The following RBFOX1 variants were observed in gnomAD, a reference collection of about 807,000 sequenced individuals.
RBFOX1 encodes the protein RNA binding protein fox-1 homolog 1.
RBFOX1 carries 8 observed loss-of-function variants against 57.7 expected under a neutral mutation model. The observed-to-expected ratio is 0.14, with a 90% CI of 0.08 to 0.25. RBFOX1 has a LOEUF of 0.25. Among genes scored for constraint, RBFOX1 ranks in the 10% least tolerant of loss-of-function variants. RBFOX1 has a pLI of 1.00. For missense variants in RBFOX1, 611 were observed against 548.5 expected (o/e 1.11, Z -1.14); for synonymous variants, 326 against 222.4 (o/e 1.47, Z -4.15).
At chr16:5,355,019 G>A (rs944942278) in intron 1 of RBFOX1, among the ~76,000 whole-genome samples, 5 of 151,552 alleles carry the variant, frequency 3.3e-5, no homozygotes, top group African/African-American at 4.8e-5. Context: ...GAGAGAGAGA[G>A]AGGGACAGAG....
chr16:6,654,132 C>G (rs920706854), intron 2 of RBFOX1, among the ~76,000 whole-genome samples: 1 of 150,084 alleles, frequency 6.7e-6, no homozygotes, highest in Non-Finnish European at 1.5e-5. Flanking sequence ...GGGTAGAGGA[C>G]CAATGAATGA....
At position 7,020,113 on chromosome 16, in the gene RBFOX1, A is replaced by G. The variant is rs58498031; in HGVS notation, c.-15-31944A>G. ...TTCCATTGTCAAGGTATTTACTACAATTGTCATGTCTCAGGCCAGGTGCGG... is the reference window on the plus strand; with the variant it reads ...TTCCATTGTCAAGGTATTTACTACAGTTGTCATGTCTCAGGCCAGGTGCGG... On this transcript the variant is annotated intron_variant, in intron 3 of 15. Transcript: ENST00000550418. Among the ~76,000 whole-genome samples the G allele has an allele frequency of 7.8e-3, 1,189 of 152,056 alleles. 14 individuals carry two copies. Among genetic ancestry groups the G allele is most frequent in the African/African-American group, 0.027 (1,105 of 41,452 alleles).
intron 4 of RBFOX1, among the ~76,000 whole-genome samples, chr16:7,297,821 C>T (rs1231717187): frequency 6.6e-6 from 1 of 151,076 alleles, no homozygotes; most frequent in Non-Finnish European, 1.5e-5. Flanking sequence ...AATTGAAATC[C>T]CCCCCAATAG....
intron 2 of RBFOX1, among the ~76,000 whole-genome samples, chr16:6,536,352 C>G (rs1326206767): frequency 6.6e-6 from 1 of 152,162 alleles, no homozygotes; most frequent in Non-Finnish European, 1.5e-5. Flanking sequence ...TACCAGCATG[C>G]AATTGAGTAG....
chr16:6,786,790 T>G (rs767468209), intron 3 of RBFOX1, among the ~76,000 whole-genome samples: 2 of 152,124 alleles, frequency 1.3e-5, no homozygotes, highest in Non-Finnish European at 2.9e-5. Context: ...GAAGTGGACA[T>G]GAGGTCACAT....
chr16:7,004,034 C>A (rs117058172), intron 3 of RBFOX1: 1 of 147,774 alleles, frequency 6.8e-6, no homozygotes, highest in Admixed American at 6.8e-5. Flanking sequence ...CACAAATTTG[C>A]GTGCCATCTT....
chr16:6,616,102 C>G (rs1480067858), intron 2 of RBFOX1, among the ~76,000 whole-genome samples: 2 of 152,120 alleles, frequency 1.3e-5, no homozygotes, highest in Non-Finnish European at 2.9e-5. Flanking sequence ...GGCCCCAATC[C>G]CAAACTGAAG....
At chr16:6,407,822 G>C (rs1245285074) in intron 2 of RBFOX1, among the ~76,000 whole-genome samples, 1 of 152,124 alleles carries the variant, frequency 6.6e-6, no homozygotes, top group African/African-American at 2.4e-5. Context: ...TCCTCACGCA[G>C]CATACATGGA....
At chr16:7,645,765 C>G (rs1262180011) in intron 11 of RBFOX1, among the ~76,000 whole-genome samples, 1 of 152,166 alleles carries the variant, frequency 6.6e-6, no homozygotes. Context: ...TTATTCACTT[C>G]TAAACAGCAG....
chr16:7,708,220 G>A (rs558314951), intron 14 of RBFOX1, among the ~76,000 whole-genome samples: 1 of 151,870 alleles, frequency 6.6e-6, no homozygotes, highest in African/African-American at 2.4e-5. Context: ...ATGCGACCTT[G>A]AGCAAGTGAC....
intron 3 of RBFOX1, among the ~76,000 whole-genome samples, chr16:5,777,878 G>A (rs78148243): frequency 0.037 from 5,561 of 152,250 alleles, 315 homozygotes; most frequent in African/African-American, 0.12. Context: ...ACGATCATAA[G>A]TAGGCATCTC....
intron 3 of RBFOX1, among the ~76,000 whole-genome samples, chr16:6,958,995 T>G (rs1393725839): frequency 4.6e-5 from 7 of 152,154 alleles, no homozygotes; most frequent in Non-Finnish European, 8.8e-5. Context: ...TTGAATTAAT[T>G]ATAAGGAGAA....
At chr16:7,364,942 C>G (rs186860295) in intron 4 of RBFOX1, among the ~76,000 whole-genome samples, 16 of 152,306 alleles carry the variant, frequency 1.1e-4, no homozygotes, top group African/African-American at 3.8e-4. Flanking sequence ...ATGCCAAGCA[C>G]TCTGACTGTT....
rs367790378 is a variant in RBFOX1, at chr16:7,095,813, C to A, written c.27+43715C>A. 5.9e-5 allele frequency among the ~76,000 whole-genome samples: 9 copies of A among 151,968 alleles called. No individual in the cohort carries two copies. In the East Asian group the frequency reaches 9.7e-4, roughly 16 times the overall value. ...CGATCATGAGGTCAGGAGATCGAGA[C>A]CATCCTGGCTAACACGGTGAAACAC... On this transcript the variant is annotated intron_variant, in intron 4 of 15. Coordinates refer to ENST00000550418, the MANE Select transcript of RBFOX1 (RefSeq NM_018723.4).
At chr16:6,085,346 C>T (rs1458261400) in intron 1 of RBFOX1, among the ~76,000 whole-genome samples, 3 of 152,232 alleles carry the variant, frequency 2.0e-5, no homozygotes, top group African/African-American at 7.2e-5. Flanking sequence ...GATCTTGGCT[C>T]ACTGCAACCT....
chr16:5,421,245 T>C (rs2067317405), intron 1 of RBFOX1, among the ~76,000 whole-genome samples: 1 of 151,550 alleles, frequency 6.6e-6, no homozygotes, highest in African/African-American at 2.4e-5. Flanking sequence ...TGACCTCAAG[T>C]GATCCCCTGC....
chr16:7,071,368 G>T (rs746633870), intron 4 of RBFOX1, among the ~76,000 whole-genome samples: 20 of 152,084 alleles, frequency 1.3e-4, no homozygotes, highest in Non-Finnish European at 2.6e-4. Flanking sequence ...CATGAAATTA[G>T]GTGTTAGAAA....
intron 3 of RBFOX1, among the ~76,000 whole-genome samples, chr16:6,954,736 G>A (rs1470376263): frequency 1.3e-5 from 2 of 152,022 alleles, no homozygotes; most frequent in Non-Finnish European, 2.9e-5. Flanking sequence ...ATGAGCCCCA[G>A]AGAACATGCC....
At chr16:6,925,280 C>T (rs539635342) in intron 3 of RBFOX1, among the ~76,000 whole-genome samples, 5 of 150,952 alleles carry the variant, frequency 3.3e-5, no homozygotes, top group African/African-American at 1.2e-4. Flanking sequence ...ATTACAGGTG[C>T]AAATCACCAT....
Sources: allele counts gnomAD v4.1 joint callset (sites outside exome capture counted in the v4.1 genomes callset), GRCh38; gene constraint gnomAD v4.1.1; transcripts MANE v1.5; gene names NCBI Gene and HGNC (gene_info 2026-07-23, HGNC 2026-07-21).